The following TFPI variants were observed in gnomAD, a reference collection of about 807,000 sequenced individuals.
The protein encoded by TFPI is anti-convertin.
A neutral mutation model predicts 34.6 loss-of-function variants in TFPI; 15 were observed. That is an observed-to-expected ratio of 0.43 (90% CI 0.29 to 0.67). The LOEUF is 0.67. Ranked by LOEUF, TFPI falls within the 30% of genes least tolerant of loss-of-function variation. TFPI has a pLI of 0.15. For missense variants in TFPI, 301 were observed against 364.0 expected, an observed-to-expected ratio of 0.83 and a Z score of 1.41; for synonymous variants, 105 against 120.1, an observed-to-expected ratio of 0.87 and a Z score of 0.82.
rs553727333 is a variant in TFPI at position 187,530,348 on chromosome 2, C to T, written c.-3+23852G>A. 2.6e-5 allele frequency among the ~76,000 whole-genome samples: 4 copies of T among 152,236 alleles called. No homozygotes were observed. The South Asian group carries it at 8.3e-4, about 32-fold the overall frequency. ...AATTGCGCACAATAAAATTCGCATA[C>T]TAAACATTCTAAGGGCCCTAATCTA... is the stretch of plus-strand genomic sequence containing the variant. On this transcript the variant is annotated intron_variant, in intron 1 of 7. Coordinates refer to ENST00000233156, the MANE Select transcript of TFPI (RefSeq NM_006287.6).
chr2:187,507,068 C>T (rs1361373358), intron 1 of TFPI, among the ~76,000 whole-genome samples: 1 of 152,042 alleles, frequency 6.6e-6, no homozygotes, highest in East Asian at 1.9e-4. Context: ...AGCCTCCCAC[C>T]CCCTGACAGA....
At chr2:187,528,248 C>T (rs748471909) in intron 1 of TFPI, among the ~76,000 whole-genome samples, 1 of 152,128 alleles carries the variant, frequency 6.6e-6, no homozygotes, top group Non-Finnish European at 1.5e-5. Context: ...AGAATTGCCT[C>T]TCACAGCTGG....
intron 6 of TFPI, among the ~76,000 whole-genome samples, chr2:187,480,269 A>T (rs1293579738): frequency 6.6e-6 from 1 of 152,072 alleles, no homozygotes. Flanking sequence ...ACAAATGAGA[A>T]TCTAAGGCCT....
At chr2:187,509,210 G>A (rs1170531010) in intron 1 of TFPI, among the ~76,000 whole-genome samples, 1 of 152,154 alleles carries the variant, frequency 6.6e-6, no homozygotes, top group Non-Finnish European at 1.5e-5. Flanking sequence ...GTATTTTCTT[G>A]AGGATTTTCA....
At chr2:187,490,638 G>A (rs1442825561) in intron 3 of TFPI, among the ~76,000 whole-genome samples, 3 of 151,482 alleles carry the variant, frequency 2.0e-5, no homozygotes, top group Non-Finnish European at 4.4e-5. Flanking sequence ...ACAACATGTA[G>A]TTAGTTCTTG....
intron 3 of TFPI, among the ~76,000 whole-genome samples, chr2:187,495,407 T>C (rs968256044): frequency 1.3e-5 from 2 of 152,102 alleles, no homozygotes; most frequent in African/African-American, 2.4e-5. Context: ...AAATGGGGTA[T>C]AGAAATCTGT....
At chr2:187,496,144 TA>T (rs1013762703) in intron 3 of TFPI, among the ~76,000 whole-genome samples, 45 of 152,274 alleles carry the variant, frequency 3.0e-4, no homozygotes, top group African/African-American at 8.4e-4. Flanking sequence ...TTGGGTTTAG[TA>T]AAGTCCACAA....
At chr2:187,507,736 A>G (rs2106141725) in intron 1 of TFPI, among the ~76,000 whole-genome samples, 1 of 152,290 alleles carries the variant, frequency 6.6e-6, no homozygotes, top group South Asian at 2.1e-4. Context: ...ATATATTGCA[A>G]AAATTTTCTC....
intron 1 of TFPI, among the ~76,000 whole-genome samples, chr2:187,546,268 AGT>A (rs1292270841): frequency 1.8e-4 from 27 of 146,560 alleles, no homozygotes; most frequent in Admixed American, 1.6e-3. Flanking sequence ...TGGACTTTAT[AGT>A]TAAATTTGTA....
At chr2:187,474,074 CAAAG>C (rs1692217231) in intron 6 of TFPI, among the ~76,000 whole-genome samples, 1 of 151,862 alleles carries the variant, frequency 6.6e-6, no homozygotes, top group Admixed American at 6.6e-5. Flanking sequence ...AGCAAGGCCA[CAAAG>C]AAAGAAAGCC....
intron 3 of TFPI, among the ~76,000 whole-genome samples, chr2:187,493,449 G>A (rs1217796285): frequency 6.6e-6 from 1 of 152,102 alleles, no homozygotes; most frequent in Non-Finnish European, 1.5e-5. Context: ...TGTCTCACAT[G>A]CCCTAGAGAT....
At chr2:187,505,115 G>A (rs1169336406) in intron 1 of TFPI, among the ~76,000 whole-genome samples, 5 of 127,918 alleles carry the variant, frequency 3.9e-5, no homozygotes, top group African/African-American at 1.1e-4. Flanking sequence ...AATCCTTATC[G>A]CATTTTTGAA....
intron 1 of TFPI, among the ~76,000 whole-genome samples, chr2:187,510,948 T>C (rs1355937079): frequency 6.6e-6 from 1 of 152,178 alleles, no homozygotes; most frequent in South Asian, 2.1e-4. Context: ...CTTGTTCTGC[T>C]ACATTTCTTG....
rs1026254143 is a variant in TFPI at position 187,480,737 on chromosome 2, A to G, written c.628+3387T>C. Reference sequence around the variant, plus strand: ...TACTCAACACAGCCAATCAAACTGAAATAATGCACTCACGCTCAGGGATAT... The same window carrying G: ...TACTCAACACAGCCAATCAAACTGAGATAATGCACTCACGCTCAGGGATAT... On this transcript the variant is annotated intron_variant, in intron 6 of 7. Coordinates refer to ENST00000233156, the MANE Select transcript of TFPI (RefSeq NM_006287.6). Among the ~76,000 whole-genome samples the G allele has an allele frequency of 6.6e-5, 10 of 152,282 alleles. 1 individual carries two copies. Among genetic ancestry groups the G allele is most frequent in the Admixed American group, 5.9e-4 (9 of 15,286 alleles).
intron 1 of TFPI, among the ~76,000 whole-genome samples, chr2:187,520,075 T>C (rs1413587402): frequency 6.6e-6 from 1 of 152,138 alleles, no homozygotes; most frequent in Non-Finnish European, 1.5e-5. Flanking sequence ...GAATGTTAGC[T>C]TACTGGGCTC....
At chr2:187,509,372 G>A (rs1686457830) in intron 1 of TFPI, among the ~76,000 whole-genome samples, 1 of 152,168 alleles carries the variant, frequency 6.6e-6, no homozygotes, top group Non-Finnish European at 1.5e-5. Context: ...CAGAAGGAAT[G>A]GTACCATCTC....
chr2:187,542,377 CAG>C (rs1201278663), intron 1 of TFPI, among the ~76,000 whole-genome samples: 1 of 150,842 alleles, frequency 6.6e-6, no homozygotes, highest in African/African-American at 2.4e-5. Flanking sequence ...AACAAAGAAA[CAG>C]AAACAGAGAG....
intron 6 of TFPI, among the ~76,000 whole-genome samples, chr2:187,477,748 G>A (rs961411312): frequency 3.3e-5 from 5 of 152,126 alleles, no homozygotes; most frequent in African/African-American, 1.2e-4. Flanking sequence ...GAAGGCTAGT[G>A]ATAACAAAAA....
intron 6 of TFPI, among the ~76,000 whole-genome samples, chr2:187,477,788 G>T (rs1251160413): frequency 6.6e-6 from 1 of 152,148 alleles, no homozygotes; most frequent in Non-Finnish European, 1.5e-5. Flanking sequence ...TGTATGCATA[G>T]ATTTTATTTT....
Sources: allele counts gnomAD v4.1 joint callset (sites outside exome capture counted in the v4.1 genomes callset), GRCh38; gene constraint gnomAD v4.1.1; transcripts MANE v1.5; gene names NCBI Gene and HGNC (gene_info 2026-07-23, HGNC 2026-07-21).